ZFHX4: variants seen among roughly 807,000 people sequenced by gnomAD.
The protein encoded by ZFHX4 is zinc finger homeobox protein 4.
A neutral mutation model predicts 267.6 loss-of-function variants in ZFHX4; 56 were observed. The observed-to-expected ratio is 0.21, with a 90% CI of 0.17 to 0.26. ZFHX4 has a LOEUF of 0.26. ZFHX4 is among the 10% of genes least tolerant of loss of function. The pLI is 1.00. For missense variants in ZFHX4, 4,332 were observed against 4,420.0 expected, an observed-to-expected ratio of 0.98 and a Z score of 0.56; for synonymous variants, 1,778 against 1,665.6, an observed-to-expected ratio of 1.07 and a Z score of -1.64.
chr8:76,775,134 G>A (rs1366664829), intron 3 of ZFHX4, among the ~76,000 whole-genome samples: 1 of 152,170 alleles, frequency 6.6e-6, no homozygotes, highest in South Asian at 2.1e-4. Flanking sequence ...TGAGAAAAAT[G>A]TGAAGACAGT....
At chr8:76,849,153 T>C (rs1425324292) in intron 7 of ZFHX4, 25 bp downstream of exon 7, 10 of 1,523,602 alleles carry the variant, frequency 6.6e-6, no homozygotes, top group South Asian at 1.3e-5. Flanking sequence ...TCCCCTTTAC[T>C]GTGTAAATCT....
chr8:76,784,086 C>G (rs774068106), intron 4 of ZFHX4, among the ~76,000 whole-genome samples: 1 of 151,748 alleles, frequency 6.6e-6, no homozygotes, highest in Admixed American at 6.6e-5. Context: ...TTTCTAGAAC[C>G]GTTCTTTACC....
intron 9 of ZFHX4, among the ~76,000 whole-genome samples, chr8:76,850,610 G>A (rs1293966825): frequency 6.6e-6 from 1 of 152,100 alleles, no homozygotes; most frequent in Non-Finnish European, 1.5e-5. Flanking sequence ...CCAAGGGATG[G>A]CCCTTAGTAT....
intron 3 of ZFHX4, among the ~76,000 whole-genome samples, chr8:76,738,730 C>T (rs1176674155): frequency 6.9e-6 from 1 of 144,024 alleles, no homozygotes; most frequent in Admixed American, 7.2e-5. Context: ...CTCTCTCTCT[C>T]TCTCTCCTTC....
At chr8:76,768,608 T>A (rs902461139) in intron 3 of ZFHX4, among the ~76,000 whole-genome samples, 1 of 152,134 alleles carries the variant, frequency 6.6e-6, no homozygotes, top group African/African-American at 2.4e-5. Flanking sequence ...TCATCAACAG[T>A]AATGTGAAGG....
At chr8:76,708,174 C>G (rs2131615548) in intron 3 of ZFHX4, 126 bp downstream of exon 3, 2 of 1,164,388 alleles carry the variant, frequency 1.7e-6, no homozygotes, top group Admixed American at 2.0e-5. Flanking sequence ...GCAGGGGGCA[C>G]AGTTTCTGAT....
chr8:76,777,897 T>C (rs77534554), intron 3 of ZFHX4, among the ~76,000 whole-genome samples: 3 of 151,260 alleles, frequency 2.0e-5, no homozygotes, highest in African/African-American at 7.3e-5. Flanking sequence ...TTTTTTTTTT[T>C]CTGAGATAAC....
intron 4 of ZFHX4, among the ~76,000 whole-genome samples, chr8:76,809,071 C>A (rs529209882): frequency 1.3e-5 from 2 of 152,174 alleles, no homozygotes; most frequent in South Asian, 4.2e-4. Context: ...AATGAAAAGA[C>A]CATCTGGATA....
intron 3 of ZFHX4, among the ~76,000 whole-genome samples, chr8:76,773,880 AG>A (rs1810334373): frequency 6.6e-6 from 1 of 152,140 alleles, no homozygotes; most frequent in African/African-American, 2.4e-5. Flanking sequence ...CATCATTTTA[AG>A]TTTAATAAGC....
intron 4 of ZFHX4, among the ~76,000 whole-genome samples, chr8:76,812,006 C>T (rs954311642): frequency 6.6e-6 from 1 of 152,192 alleles, no homozygotes; most frequent in South Asian, 2.1e-4. Context: ...AGGTCAAGAA[C>T]GCACCTATCT....
chr8:76,779,786 C>T (rs1002252661), intron 4 of ZFHX4, among the ~76,000 whole-genome samples: 7 of 152,194 alleles, frequency 4.6e-5, no homozygotes, highest in Admixed American at 2.6e-4. Flanking sequence ...TTTTTCTCTG[C>T]AGAGACCAGC....
rs147005937 is a variant in ZFHX4 at position 76,695,568 on chromosome 8, A to T, written c.-46-8475A>T. Among the ~76,000 whole-genome samples the T allele has an allele frequency of 2.8e-3, 420 of 152,338 alleles. 2 individuals carry two copies. The highest frequency in any genetic ancestry group is 9.6e-3 in the African/African-American group (401 of 41,580). On this transcript the variant is annotated intron_variant, in intron 1 of 10. Coordinates refer to ENST00000651372, the MANE Select transcript of ZFHX4 (RefSeq NM_024721.5). ...GCTAAACTTTCTTTACAGAGACTTC[A>T]TTCTGAAACTTTAATTGAAAAGCAA...
rs756245542 is a variant in ZFHX4, at chr8:76,705,282, T to C, written c.1194T>C (p.Ile398=). The C allele has an allele frequency of 1.2e-6, 2 of 1,613,988 alleles. No homozygotes were observed. Among genetic ancestry groups the C allele is most frequent in the Non-Finnish European group, 1.7e-6 (2 of 1,179,894 alleles). The change falls in exon 2 of 11, where the codon ATT becomes ATC. Residue 398 remains isoleucine, a synonymous_variant. Transcript: ENST00000651372. The part of the protein sequence containing the change: ...TSSSAEQPLG[I]TQMPKAEVNL... ...GCTCAGCAGAGCAGCCGCTGGGGAT[T>C]ACCCAAATGCCAAAGGCTGAAGTGA...
At chr8:76,835,059 A>G (rs1812035126) in intron 5 of ZFHX4, among the ~76,000 whole-genome samples, 1 of 150,904 alleles carries the variant, frequency 6.6e-6, no homozygotes, top group East Asian at 1.9e-4. Context: ...CACCTAAATT[A>G]TAGGTTTTAT....
Position 76,852,216 on chromosome 8 carries a change from T to A in ZFHX4, c.5295T>A (p.Pro1765=), listed in dbSNP as rs1328010157. Residue 1765 remains proline (P), a synonymous_variant, in exon 10 of 11, where the codon CCT becomes CCA. Coordinates refer to ENST00000651372, the MANE Select transcript of ZFHX4 (RefSeq NM_024721.5). ...GLPGSATFGM[P]GMTGMAGSLL... ...CAGGCTCTGCCACATTTGGGATGCC[T>A]GGCATGACAGGAATGGCTGGCTCCT... 1 of 1,613,560 alleles carries A rather than the reference T, an allele frequency of 6.2e-7. No individual in the cohort carries two copies. Among genetic ancestry groups the A allele is most frequent in the East Asian group, 2.2e-5 (1 of 44,804 alleles).
At chr8:76,813,399 G>A (rs1052307550) in intron 4 of ZFHX4, among the ~76,000 whole-genome samples, 1 of 151,982 alleles carries the variant, frequency 6.6e-6, no homozygotes, top group African/African-American at 2.4e-5. Context: ...ATCTTTCATT[G>A]TTTTCATATT....
At chr8:76,735,192 C>CATAA (rs1809127077) in intron 3 of ZFHX4, among the ~76,000 whole-genome samples, 1 of 152,048 alleles carries the variant, frequency 6.6e-6, no homozygotes, top group South Asian at 2.1e-4. Flanking sequence ...TCTTATTGTA[C>CATAA]ATAAGCACAT....
chr8:76,786,349 C>T (rs76057519), intron 4 of ZFHX4, among the ~76,000 whole-genome samples: 52 of 150,170 alleles, frequency 3.5e-4, no homozygotes, highest in African/African-American at 1.3e-3. Flanking sequence ...CTACTAACAA[C>T]GTATGGAATA....
chr8:76,731,874 T>C (rs944629026), intron 3 of ZFHX4, among the ~76,000 whole-genome samples: 43 of 149,172 alleles, frequency 2.9e-4, no homozygotes, highest in African/African-American at 4.9e-5. Flanking sequence ...TTATTATTAT[T>C]ATTATTATTA....
Sources: gnomAD v4.1 joint callset for allele counts (sites outside exome capture counted in the v4.1 genomes callset) on GRCh38, gnomAD v4.1.1 for gene constraint, MANE v1.5 for transcripts, NCBI Gene and HGNC (gene_info 2026-07-23, HGNC 2026-07-21) for gene names.